The following C1orf87 variants were observed in gnomAD, a reference collection of about 807,000 sequenced individuals.
The protein encoded by C1orf87 is chromosome 1 open reading frame 87.
A neutral mutation model predicts 60.5 loss-of-function variants in C1orf87; 58 were observed. The ratio of observed to expected loss-of-function variants is 0.96; its 90% CI spans 0.78 to 1.19. C1orf87 has a LOEUF of 1.19. Ranked by LOEUF, C1orf87 falls within the 50% of genes most tolerant of loss-of-function variation. The probability of loss-of-function intolerance (pLI) is 0.00; values close to 1 mark genes in which losing one functional copy is unlikely to be tolerated. For missense variants in C1orf87, 673 were observed against 638.6 expected (o/e 1.05, Z -0.58); for synonymous variants, 236 against 227.4 (o/e 1.04, Z -0.34).
chr1:60,052,990 A>G (rs1226211582), intron 3 of C1orf87, among the ~76,000 whole-genome samples: 2 of 152,286 alleles, frequency 1.3e-5, no homozygotes, highest in Non-Finnish European at 1.5e-5. Flanking sequence ...TCCCACTAGA[A>G]ACCCTGTTGA....
Position 59,992,238 on chromosome 1 carries a change from ATTTATT to A in C1orf87, c.1481-1411_1481-1406del, listed in dbSNP as rs911567176. Among the ~76,000 whole-genome samples the A allele has an allele frequency of 2.0e-5, 3 of 149,800 alleles. No homozygotes were observed. The East Asian group carries it at 6.0e-4, about 30-fold the overall frequency. On this transcript the variant is annotated intron_variant, in intron 11 of 11. Transcript: ENST00000371201. ...CAAGTAGGGGTCTATTTATTTATTT[ATTTATT>A]TATTTATTTATTTATTTATTTTTTA...
chr1:60,048,417 C>T (rs1237900003), intron 3 of C1orf87, among the ~76,000 whole-genome samples: 1 of 152,124 alleles, frequency 6.6e-6, no homozygotes, highest in Non-Finnish European at 1.5e-5. Flanking sequence ...CTCATCTAAG[C>T]CACTCCTAGA....
chr1:60,037,941 A>G lies in C1orf87; in HGVS notation c.863+51T>C, dbSNP rs1645289520. On this transcript the variant is annotated intron_variant, in intron 6 of 11. Coordinates refer to ENST00000371201, the MANE Select transcript of C1orf87 (RefSeq NM_152377.3). Reference sequence around the variant, plus strand: ...ATGGTACTTTTTTATAGCAGCCCACACAGACTAAGACACCTAGGAACAATA... The same window carrying G: ...ATGGTACTTTTTTATAGCAGCCCACGCAGACTAAGACACCTAGGAACAATA... 31 of 1,261,792 alleles carry G rather than the reference A, an allele frequency of 2.5e-5. No homozygotes were observed. In the East Asian group the frequency reaches 6.9e-4, roughly 28 times the overall value. The allele number at this position is 1,261,792 out of a possible 1,614,324, so 78.2% of individuals were successfully genotyped here.
rs760495083 is a variant in C1orf87 at position 60,025,507 on chromosome 1, T to TA, written c.1030-10dup. On this transcript the variant is annotated splice_polypyrimidine_tract_variant and intron_variant, in intron 7 of 11. Coordinates refer to ENST00000371201, the MANE Select transcript of C1orf87 (RefSeq NM_152377.3). ...CCACATATAGCCCTGACCTACAAGTTAAAAAAAAATAAAAAAGATTTGATG... is the reference window on the plus strand; with the variant it reads ...CCACATATAGCCCTGACCTACAAGTTAAAAAAAAAATAAAAAAGATTTGATG... The TA allele has an allele frequency of 3.2e-4, 490 of 1,521,638 alleles. No individual in the cohort carries two copies. Among genetic ancestry groups the TA allele is most frequent in the South Asian group, 5.4e-4 (44 of 81,158 alleles). 94.3% of individuals were successfully genotyped at this position (1,521,638 alleles called of 1,614,324 possible).
intron 8 of C1orf87, among the ~76,000 whole-genome samples, chr1:60,014,902 G>C (rs1645115240): frequency 6.6e-6 from 1 of 152,144 alleles, no homozygotes; most frequent in South Asian, 2.1e-4. Context: ...ATAGAATATT[G>C]ATAAAGAGTT....
intron 8 of C1orf87, among the ~76,000 whole-genome samples, chr1:60,016,377 T>C (rs1645124700): frequency 6.6e-6 from 1 of 152,156 alleles, no homozygotes; most frequent in African/African-American, 2.4e-5. Context: ...AGGGGTTATT[T>C]TGATCATGTA....
intron 3 of C1orf87, among the ~76,000 whole-genome samples, chr1:60,052,834 G>C (rs1645423830): frequency 6.6e-6 from 1 of 152,236 alleles, no homozygotes; most frequent in African/African-American, 2.4e-5. Flanking sequence ...AGCTGGTAAT[G>C]AGGGTCTCTG....
rs534052438 is a variant in C1orf87 at position 60,060,266 on chromosome 1, C to T, written c.108-4828G>A. 6.4e-4 allele frequency among the ~76,000 whole-genome samples: 97 copies of T among 152,048 alleles called. 1 individual carries two copies. Among genetic ancestry groups the T allele is most frequent in the African/African-American group, 2.3e-3 (96 of 41,474 alleles). ...TATCTAAATGCTTATGTGTGTCAGC[C>T]ACCACACATAAATTCTTTCATGTTG... On this transcript the variant is annotated intron_variant, in intron 2 of 11. Coordinates refer to ENST00000371201, the MANE Select transcript of C1orf87 (RefSeq NM_152377.3).
chr1:60,024,082 T>C (rs1645182514), intron 8 of C1orf87, among the ~76,000 whole-genome samples: 1 of 152,186 alleles, frequency 6.6e-6, no homozygotes, highest in Non-Finnish European at 1.5e-5. Context: ...AATTGTATTA[T>C]CTGTGTTGTT....
chr1:60,064,133 C>A (rs189936091), intron 2 of C1orf87, among the ~76,000 whole-genome samples: 2 of 151,406 alleles, frequency 1.3e-5, no homozygotes, highest in East Asian at 1.9e-4. Context: ...ACATTGAACT[C>A]CAAGTTGTTC....
rs183743133 is a variant in C1orf87, at chr1:60,054,766, A to G, written c.342+438T>C. On this transcript the variant is annotated intron_variant, in intron 3 of 11. Transcript: ENST00000371201. ...ACAGAGTGCAGTGGTATATATTTCT[A>G]TCAACAGAGTTTGGGGCCTATAATT... Among the ~76,000 whole-genome samples the G allele has an allele frequency of 3.2e-3, 481 of 152,324 alleles. 1 individual carries two copies. The highest frequency in any genetic ancestry group is 0.011 in the African/African-American group (453 of 41,566).
chr1:60,022,646 G>A (rs1337696343), intron 8 of C1orf87, among the ~76,000 whole-genome samples: 4 of 151,998 alleles, frequency 2.6e-5, no homozygotes, highest in Non-Finnish European at 4.4e-5. Flanking sequence ...AGAAACCTCA[G>A]CATACATTTT....
intron 6 of C1orf87, among the ~76,000 whole-genome samples, chr1:60,036,732 T>A (rs775249473): frequency 2.0e-5 from 3 of 152,208 alleles, no homozygotes; most frequent in African/African-American, 4.8e-5. Flanking sequence ...ATTTGTCACC[T>A]TTTTTGGCAA....
intron 9 of C1orf87, among the ~76,000 whole-genome samples, chr1:60,006,940 C>G (rs1250314895): frequency 6.6e-6 from 1 of 151,260 alleles, no homozygotes; most frequent in Admixed American, 6.6e-5. Flanking sequence ...CTGACAGGGT[C>G]TCACTCTTTT....
At chr1:60,041,705 A>G (rs1014317605) in intron 3 of C1orf87, among the ~76,000 whole-genome samples, 5 of 152,318 alleles carry the variant, frequency 3.3e-5, no homozygotes, top group African/African-American at 1.2e-4. Context: ...TGACATCTTA[A>G]GAAGGTAGGC....
intron 3 of C1orf87, among the ~76,000 whole-genome samples, chr1:60,051,053 A>G (rs951307959): frequency 7.2e-5 from 11 of 152,212 alleles, no homozygotes; most frequent in Non-Finnish European, 1.3e-4. Context: ...GATGGAGGGA[A>G]GAGAATTTTA....
chr1:60,045,632 T>TTATATA (rs1283045238), intron 3 of C1orf87, among the ~76,000 whole-genome samples: 1 of 152,192 alleles, frequency 6.6e-6, no homozygotes, highest in African/African-American at 2.4e-5. Flanking sequence ...AGACAGTGTG[T>TTATATA]TATTTCATCC....
chr1:60,067,544 C>T (rs1645555468), intron 2 of C1orf87, among the ~76,000 whole-genome samples: 1 of 143,076 alleles, frequency 7.0e-6, no homozygotes, highest in Non-Finnish European at 1.5e-5. Context: ...ATATCTTTTG[C>T]CCACTTTTTG....
At position 60,017,254 on chromosome 1, in the gene C1orf87, C is replaced by G. The variant is rs552095572; in HGVS notation, c.1128-6798G>C. On this transcript the variant is annotated intron_variant, in intron 8 of 11. Coordinates refer to ENST00000371201, the MANE Select transcript of C1orf87 (RefSeq NM_152377.3). ...GGCACAGCCAATGGGCAGATCTATA[C>G]CGTATTTCTAATAGCTTGCTACCTA... is the stretch of plus-strand genomic sequence containing the variant. Among the ~76,000 whole-genome samples, 4 of 152,302 alleles carry G rather than the reference C, an allele frequency of 2.6e-5. No individual in the cohort carries two copies. The East Asian group carries it at 7.7e-4, about 29-fold the overall frequency.
Sources: gnomAD v4.1 joint callset for allele counts (sites outside exome capture counted in the v4.1 genomes callset) on GRCh38, gnomAD v4.1.1 for gene constraint, MANE v1.5 for transcripts, NCBI Gene and HGNC (gene_info 2026-07-23, HGNC 2026-07-21) for gene names.